NAV3: variants seen among roughly 807,000 people sequenced by gnomAD.
NAV3 encodes the protein pore membrane and/or filament interacting like protein 1.
Under a neutral mutation model 244.7 loss-of-function variants are expected in NAV3, and 87 were observed. That is an observed-to-expected ratio of 0.36 (90% CI 0.30 to 0.42). The LOEUF is 0.42. Among genes scored for constraint, NAV3 ranks in the 20% least tolerant of loss-of-function variants. The pLI is 1.00. For missense variants in NAV3, 2,663 were observed against 2,893.3 expected, an observed-to-expected ratio of 0.92 and a Z score of 1.83; for synonymous variants, 1,126 against 1,042.2, an observed-to-expected ratio of 1.08 and a Z score of -1.55.
intron 3 of NAV3, among the ~76,000 whole-genome samples, chr12:77,965,898 C>T (rs1360668452): frequency 6.6e-6 from 1 of 152,144 alleles, no homozygotes; most frequent in Non-Finnish European, 1.5e-5. Flanking sequence ...ACACATGCAA[C>T]AATCTCAGTC....
At chr12:77,655,936 C>T (rs376580715) in intron 2 of NAV3, among the ~76,000 whole-genome samples, 2 of 143,674 alleles carry the variant, frequency 1.4e-5, no homozygotes, top group African/African-American at 5.6e-5. Context: ...CAGGCCTGCC[C>T]TAAAAGAGCT....
intron 1 of NAV3, among the ~76,000 whole-genome samples, chr12:77,847,200 G>A (rs557913828): frequency 1.3e-5 from 2 of 152,280 alleles, no homozygotes; most frequent in Non-Finnish European, 2.9e-5. Context: ...GGAGTACAAA[G>A]AGGAAGAGAG....
chr12:77,950,909 A>C (rs1201804306), intron 3 of NAV3: 2 of 152,216 alleles, frequency 1.3e-5, no homozygotes, highest in Non-Finnish European at 2.9e-5. Context: ...CCTTATACAA[A>C]AATTAATTCA....
intron 2 of NAV3, among the ~76,000 whole-genome samples, chr12:77,762,938 C>T (rs1869559165): frequency 6.6e-6 from 1 of 152,196 alleles, no homozygotes. Context: ...ATTGTAATCA[C>T]ACATGGATAA....
At chr12:78,015,410 T>C (rs1013625815) in intron 8 of NAV3, among the ~76,000 whole-genome samples, 2 of 152,102 alleles carry the variant, frequency 1.3e-5, no homozygotes, top group Non-Finnish European at 1.5e-5. Context: ...ATGATATTGA[T>C]ATATTGATGG....
At chr12:78,156,866 T>TA (rs1189354823) in intron 22 of NAV3, among the ~76,000 whole-genome samples, 1 of 152,054 alleles carries the variant, frequency 6.6e-6, no homozygotes, top group African/African-American at 2.4e-5. Flanking sequence ...TACTATACAG[T>TA]AAAAACTAAC....
intron 2 of NAV3, among the ~76,000 whole-genome samples, chr12:77,659,661 G>A (rs1191175885): frequency 6.6e-6 from 1 of 152,114 alleles, no homozygotes; most frequent in Non-Finnish European, 1.5e-5. Flanking sequence ...ACATGCACAT[G>A]TATGTTTATT....
chr12:77,897,973 C>T (rs1884822450), intron 1 of NAV3, among the ~76,000 whole-genome samples: 1 of 152,172 alleles, frequency 6.6e-6, no homozygotes. Flanking sequence ...CTTTAGGTCA[C>T]AAGGAGTTTT....
At chr12:78,028,269 A>C (rs925133499) in intron 9 of NAV3, among the ~76,000 whole-genome samples, 1 of 152,232 alleles carries the variant, frequency 6.6e-6, no homozygotes, top group South Asian at 2.1e-4. Flanking sequence ...ATAAGCAAAG[A>C]TCTTTCACAA....
intron 9 of NAV3, chr12:78,036,860 A>G: frequency 1.5e-6 from 1 of 680,522 alleles, no homozygotes. Flanking sequence ...CCACTGGAAG[A>G]ATCATGCAGC....
At chr12:77,661,104 A>G (rs1873423242) in intron 2 of NAV3, among the ~76,000 whole-genome samples, 1 of 152,046 alleles carries the variant, frequency 6.6e-6, no homozygotes, top group Non-Finnish European at 1.5e-5. Context: ...TTTTTTCTGG[A>G]GAGAGATTGT....
At chr12:78,141,482 T>C (rs1343501463) in intron 20 of NAV3, among the ~76,000 whole-genome samples, 2 of 152,190 alleles carry the variant, frequency 1.3e-5, no homozygotes, top group East Asian at 3.9e-4. Flanking sequence ...TAGCCTCTGC[T>C]GTCACTGATC....
In NAV3 at chr12:77,644,448, T is replaced by A. The variant is rs144405107; in HGVS notation, c.72+72182T>A. Among the ~76,000 whole-genome samples, 481 of 151,874 alleles carry A rather than the reference T, an allele frequency of 3.2e-3. 4 individuals carry two copies. The highest frequency in any genetic ancestry group is 0.011 in the African/African-American group (461 of 41,404). On this transcript the variant is annotated intron_variant, in intron 2 of 8. Transcript: ENST00000550042. ...CCAGAGGAGGAGCAAACAGAAGGAG[T>A]GCACAGAATTATCAGGGGCTTAAGA...
intron 12 of NAV3, among the ~76,000 whole-genome samples, chr12:78,108,114 A>G (rs1021590992): frequency 6.6e-6 from 1 of 152,164 alleles, no homozygotes; most frequent in Non-Finnish European, 1.5e-5. Context: ...ATGGTAAAAG[A>G]TATTCCTTGC....
At chr12:77,779,443 T>A (rs1336885336) in intron 2 of NAV3, among the ~76,000 whole-genome samples, 5 of 152,216 alleles carry the variant, frequency 3.3e-5, no homozygotes, top group African/African-American at 1.2e-4. Context: ...AACTAATACG[T>A]ACAGGTAGGC....
chr12:77,963,368 A>G (rs1892200144), intron 3 of NAV3, among the ~76,000 whole-genome samples: 1 of 152,156 alleles, frequency 6.6e-6, no homozygotes, highest in Non-Finnish European at 1.5e-5. Context: ...TGAGAAAGTG[A>G]CCATATAAAT....
intron 2 of NAV3, among the ~76,000 whole-genome samples, chr12:77,704,976 G>C (rs1339940213): frequency 6.6e-6 from 1 of 152,156 alleles, no homozygotes; most frequent in Non-Finnish European, 1.5e-5. Context: ...CTGTGTTATA[G>C]GAAATAGTAA....
intron 12 of NAV3, among the ~76,000 whole-genome samples, chr12:78,099,800 T>A: frequency 6.6e-6 from 1 of 151,752 alleles, no homozygotes. Flanking sequence ...TCAGCCCATT[T>A]AAAAAAAATA....
chr12:77,747,280 G>T (rs547436941), intron 2 of NAV3, among the ~76,000 whole-genome samples: 1 of 152,102 alleles, frequency 6.6e-6, no homozygotes, highest in Non-Finnish European at 1.5e-5. Flanking sequence ...TGTTGATGGG[G>T]TTGTTTGTTT....
Sources: gnomAD v4.1 joint callset for allele counts (sites outside exome capture counted in the v4.1 genomes callset) on GRCh38, gnomAD v4.1.1 for gene constraint, MANE v1.5 for transcripts, NCBI Gene and HGNC (gene_info 2026-07-23, HGNC 2026-07-21) for gene names.